DMXL2: variants seen among roughly 807,000 people sequenced by gnomAD.
The protein encoded by DMXL2 is Dmx like 2, also known as dmX-like protein 2.
In DMXL2, 103 loss-of-function variants were observed where a neutral mutation model predicts 331.1. That is an observed-to-expected ratio of 0.31 (90% CI 0.27 to 0.37). The LOEUF (loss-of-function observed/expected upper bound fraction) is 0.37. Ranked by LOEUF, DMXL2 falls within the 10% of genes least tolerant of loss-of-function variation. DMXL2 has a pLI of 1.00. For synonymous variants in DMXL2, 1,281 were observed against 1,252.1 expected, an observed-to-expected ratio of 1.02 and a Z score of -0.49; for missense variants, 3,171 against 3,642.9, an observed-to-expected ratio of 0.87 and a Z score of 3.33.
chr15:51,540,653 T>C (rs1200009358), intron 9 of DMXL2, among the ~76,000 whole-genome samples: 4 of 152,092 alleles, frequency 2.6e-5, no homozygotes, highest in African/African-American at 9.7e-5. Context: ...GAAAAAAAAG[T>C]GAAGAGGACA....
rs2043482938 is a variant in DMXL2 at position 51,500,154 on chromosome 15, C to T, written c.3070G>A (p.Val1024Ile). 6.8e-6 allele frequency: 11 copies of T among 1,614,032 alleles called. No homozygotes were observed. Among genetic ancestry groups the T allele is most frequent in the African/African-American group, 1.3e-5 (1 of 74,916 alleles). Residue 1024 changes from valine (V) to isoleucine (I), a missense_variant, in exon 18 of 44, where the codon GTA (valine) becomes ATA (isoleucine). Around this residue, in one of 7 missense-constraint regions of DMXL2, gnomAD observed 1,674 missense variants for 1,780.2 expected, o/e 0.94. Coordinates refer to ENST00000560891, the MANE Select transcript of DMXL2 (RefSeq NM_001378457.1). Reference protein sequence around the residue: ...LVVTTCSDNKVRFWKCCMEAN... With the variant: ...LVVTTCSDNKIRFWKCCMEAN... ...TCCATACAACATTTCCAGAAGCGTA[C>T]TTTATTGTCAGAACAAGTTGTAACC... is the stretch of plus-strand genomic sequence containing the variant.
intron 1 of DMXL2, among the ~76,000 whole-genome samples, chr15:51,607,411 G>A (rs535072604): frequency 1.4e-4 from 21 of 151,992 alleles, no homozygotes; most frequent in African/African-American, 3.9e-4. Context: ...AGCCGAGACC[G>A]CACCATTGCA....
intron 4 of DMXL2, among the ~76,000 whole-genome samples, chr15:51,564,880 A>C (rs1398056465): frequency 1.3e-5 from 2 of 152,162 alleles, no homozygotes; most frequent in Non-Finnish European, 2.9e-5. Flanking sequence ...TCTTGAAATA[A>C]AACACACAAA....
intron 20 of DMXL2, 135 bp from the exon 21 acceptor site, chr15:51,488,780 A>C (rs753231122): frequency 7.7e-6 from 5 of 648,984 alleles, no homozygotes; most frequent in Middle Eastern, 3.8e-4. Flanking sequence ...CTGTTTCACA[A>C]TCTCCAGTAG....
intron 28 of DMXL2, among the ~76,000 whole-genome samples, chr15:51,473,810 T>C (rs1034692434): frequency 4.6e-5 from 7 of 152,150 alleles, no homozygotes. Context: ...AATAATACTA[T>C]CACATTGAAG....
intron 6 of DMXL2, among the ~76,000 whole-genome samples, chr15:51,561,741 C>T (rs2049985806): frequency 2.0e-5 from 3 of 152,200 alleles, no homozygotes; most frequent in Non-Finnish European, 4.4e-5. Flanking sequence ...CCCATGTTTA[C>T]TGCAACACTA....
Position 51,537,105 on chromosome 15 carries a change from T to A in DMXL2, c.1618-243A>T, listed in dbSNP as rs9920535. The stretch of plus-strand genomic sequence containing the variant: ...AACAAAATGACCACAGCCACAGATC[T>A]AAATAGCAATAAAGTTGAGAGAGAT... On this transcript the variant is annotated intron_variant, in intron 11 of 43. Coordinates refer to ENST00000560891, the MANE Select transcript of DMXL2 (RefSeq NM_001378457.1). Among the ~76,000 whole-genome samples the A allele has an allele frequency of 9.6e-3, 1,460 of 152,286 alleles. 25 individuals are homozygous for A. The highest frequency in any genetic ancestry group is 0.034 in the African/African-American group (1,402 of 41,556).
intron 1 of DMXL2, among the ~76,000 whole-genome samples, chr15:51,588,041 T>A (rs1050504903): frequency 2.8e-4 from 42 of 152,210 alleles, no homozygotes; most frequent in African/African-American, 9.9e-4. Context: ...GTAAATTTGT[T>A]TGAGTTAATT....
In DMXL2 at chr15:51,456,164, G is replaced by A. The variant is rs763675377; in HGVS notation, c.8428C>T (p.Arg2810Ter). 2.5e-6 allele frequency: 4 copies of A among 1,614,064 alleles called. No individual in the cohort carries two copies. The highest frequency in any genetic ancestry group is 2.2e-5 in the East Asian group (1 of 44,876). Residue 2810 changes from arginine to a stop codon, truncating the protein, a stop_gained, in exon 39 of 44, where the codon CGA becomes TGA. Coordinates refer to ENST00000560891, the MANE Select transcript of DMXL2 (RefSeq NM_001378457.1). LOFTEE classifies it high-confidence loss of function. ...YLTGAQDGSVRMFEWTRPQQL... is the reference protein window; with the variant it reads ...YLTGAQDGSV ...TGAGGCCGCGTCCATTCAAACATTC[G>A]TACACTGCCGTCCTGAGCACCTGTA... is the stretch of plus-strand genomic sequence containing the variant.
rs1242563493 is a variant in DMXL2 at position 51,499,501 on chromosome 15, A to C, written c.3723T>G (p.Ser1241=). The change falls in exon 18 of 44, where the codon TCT becomes TCG. Residue 1241 remains serine (S), a synonymous_variant. Transcript: ENST00000560891. ...VLLRSIDLVS[S]VDGTPSLPVS... Reference sequence around the variant, plus strand: ...CAGGCAGTGAAGGAGTACCATCAACAGAAGATACCAAGTCTATAGATCTAA... The same window carrying C: ...CAGGCAGTGAAGGAGTACCATCAACCGAAGATACCAAGTCTATAGATCTAA... 2.5e-6 allele frequency: 4 copies of C among 1,614,146 alleles called. No homozygotes were observed. The highest frequency in any genetic ancestry group is 3.4e-6 in the Non-Finnish European group (4 of 1,180,020).
At chr15:51,550,733 A>G (rs1238940002) in intron 6 of DMXL2, among the ~76,000 whole-genome samples, 1 of 152,160 alleles carries the variant, frequency 6.6e-6, no homozygotes, top group Non-Finnish European at 1.5e-5. Context: ...TTCAGCAAAC[A>G]TCTCCTAGTA....
chr15:51,488,644 A>G lies in DMXL2; in HGVS notation c.4955T>C (p.Val1652Ala), dbSNP rs769759867. The G allele has an allele frequency of 5.0e-6, 8 of 1,600,110 alleles. No homozygotes were observed. The African/African-American group carries it at 6.7e-5, about 13-fold the overall frequency. ...INTLRRCIEKVAKASFQRNND... is the reference protein window; with the variant it reads ...INTLRRCIEKAAKASFQRNND... ...GTTCCTTTGAAAAGAAGCTTTGGCA[A>G]CCTAAATGATAAATAAAATATTAAA... is the stretch of plus-strand genomic sequence containing the variant. Residue 1652 changes from valine to alanine, a missense_variant and splice_region_variant, in exon 21 of 44, where the codon GTT becomes GCT. Physicochemically the swap from Val to Ala is moderately conservative, Grantham distance 64 (BLOSUM62 0). Coordinates refer to ENST00000560891, the MANE Select transcript of DMXL2 (RefSeq NM_001378457.1).
At chr15:51,574,502 A>G (rs1397744679) in intron 2 of DMXL2, among the ~76,000 whole-genome samples, 3 of 152,206 alleles carry the variant, frequency 2.0e-5, no homozygotes, top group African/African-American at 7.2e-5. Flanking sequence ...CTTATCCAAC[A>G]TCTAACATTC....
intron 18 of DMXL2, among the ~76,000 whole-genome samples, chr15:51,496,474 T>TA (rs1372330743): frequency 6.6e-6 from 1 of 152,208 alleles, no homozygotes; most frequent in Non-Finnish European, 1.5e-5. Context: ...AGCATTCTAA[T>TA]AGAGTAGAAA....
chr15:51,582,399 C>A (rs1395260089), intron 1 of DMXL2, among the ~76,000 whole-genome samples: 1 of 151,980 alleles, frequency 6.6e-6, no homozygotes, highest in African/African-American at 2.4e-5. Flanking sequence ...CATTTAAATT[C>A]TTCACTTCTG....
At position 51,480,951 on chromosome 15, in the gene DMXL2, A is replaced by G. The variant is rs767831393; in HGVS notation, c.6155T>C (p.Met2052Thr). 3 of 1,614,046 alleles carry G rather than the reference A, an allele frequency of 1.9e-6. No homozygotes were observed. The highest frequency in any genetic ancestry group is 2.5e-6 in the Non-Finnish European group (3 of 1,179,970). Residue 2052 changes from methionine to threonine, a missense_variant, in exon 24 of 44, where the codon ATG becomes ACG. By Grantham distance (81) the Met-to-Thr change is moderately conservative (BLOSUM62 -1). Transcript: ENST00000560891. Reference protein sequence around the residue: ...LKFRACLKILMTELRTLATGY... With the variant: ...LKFRACLKILTTELRTLATGY... ...TGTAGCCAATGTTCTTAATTCAGTC[A>G]TAAGGATCTTTAAACAAGCTCTGAA...
intron 6 of DMXL2, among the ~76,000 whole-genome samples, chr15:51,559,843 T>C (rs540945216): frequency 1.3e-5 from 2 of 152,332 alleles, no homozygotes; most frequent in East Asian, 3.9e-4. Flanking sequence ...TTGTATACTA[T>C]GAGAGTGTAA....
At position 51,547,381 on chromosome 15, in the gene DMXL2, G is replaced by A; in HGVS notation, c.595C>T (p.Pro199Ser). The stretch of plus-strand genomic sequence containing the variant: ...ATTGAAGACTTCCAACCAGTCATAG[G>A]ATACCACACTTTCAAAAGACAATCA... The part of the protein sequence containing the change: ...KDDCLLKVWY[P>S]MTGWKSSIIP... Residue 199 changes from proline to serine, a missense_variant, in exon 7 of 44, where the codon CCT (proline) becomes TCT (serine). Coordinates refer to ENST00000560891, the MANE Select transcript of DMXL2 (RefSeq NM_001378457.1). 2 of 1,593,776 alleles carry A rather than the reference G, an allele frequency of 1.3e-6. No individual in the cohort carries two copies. The highest frequency in any genetic ancestry group is 2.3e-5 in the South Asian group (2 of 87,056).
intron 1 of DMXL2, among the ~76,000 whole-genome samples, chr15:51,586,584 T>TA (rs34482763): frequency 0.47 from 70,283 of 150,942 alleles, 16,771 homozygotes; most frequent in Non-Finnish European, 0.52. Flanking sequence ...TTAATGTTAC[T>TA]AAAAAAAAAC....
Sources: allele counts gnomAD v4.1 joint callset (sites outside exome capture counted in the v4.1 genomes callset), GRCh38; gene constraint gnomAD v4.1.1; regional missense constraint gnomAD v4.1.1; transcripts MANE v1.5; gene names NCBI Gene and HGNC (gene_info 2026-07-23, HGNC 2026-07-21).